TONSL: variants seen among roughly 807,000 people sequenced by gnomAD.
TONSL encodes the protein tonsoku like, DNA repair protein, also known as tonsoku-like protein.
TONSL carries 112 observed loss-of-function variants against 147.1 expected under a neutral mutation model. The observed-to-expected ratio is 0.76, with a 90% CI of 0.65 to 0.89. The LOEUF (loss-of-function observed/expected upper bound fraction) is 0.89, where lower values mean the gene tolerates loss of function less well. TONSL is among the 40% of genes least tolerant of loss of function. TONSL has a pLI of 0.00. For missense variants in TONSL, 1,883 were observed against 1,864.6 expected, an observed-to-expected ratio of 1.01 and a Z score of -0.18; for synonymous variants, 868 against 801.5, an observed-to-expected ratio of 1.08 and a Z score of -1.40.
intron 11 of TONSL, 29 bp from the exon 12 acceptor site, chr8:144,438,764 G>A: frequency 1.2e-6 from 2 of 1,606,522 alleles, no homozygotes; most frequent in South Asian, 2.2e-5. Context: ...CACCCCAGGG[G>A]AGTCCGTGGG....
At position 144,438,825 on chromosome 8, in the gene TONSL, G is replaced by A. The variant is rs1823584611; in HGVS notation, c.1481-90C>T. ...TGCTGCAAGCTCCCCAAACTCCCAG[G>A]TACAAAGGAGCCAGAGACGGGAGGG... On this transcript the variant is annotated intron_variant, in intron 11 of 25. Transcript: ENST00000409379. 4 of 1,360,950 alleles carry A rather than the reference G, an allele frequency of 2.9e-6. No homozygotes were observed. In the East Asian group the frequency reaches 9.9e-5, roughly 34 times the overall value. The allele number at this position is 1,360,950 out of a possible 1,614,324, so 84.3% of individuals were successfully genotyped here.
chr8:144,437,114 A>G lies in TONSL; in HGVS notation c.1654-15T>C, dbSNP rs1415407680. 2.5e-6 allele frequency: 4 copies of G among 1,611,322 alleles called. No homozygotes were observed. The Admixed American group carries it at 5.0e-5, about 20-fold the overall frequency. ...AGGGGGTGGCCCTGTGACCAAGGAC[A>G]GGAAGGAGCCTGGCCCTGTGTACCT... On this transcript the variant is annotated splice_polypyrimidine_tract_variant and intron_variant, in intron 13 of 25. Coordinates refer to ENST00000409379, the MANE Select transcript of TONSL (RefSeq NM_013432.5).
chr8:144,430,379 G>C, intron 25 of TONSL, 25 bp downstream of exon 25: 1 of 1,566,984 alleles, frequency 6.4e-7, no homozygotes, highest in Non-Finnish European at 8.6e-7. Flanking sequence ...AACATGGCAG[G>C]CGTGGCCACC....
At chr8:144,443,019 A>G (rs1823778418) in intron 4 of TONSL, 119 bp downstream of exon 4, 1 of 1,312,430 alleles carries the variant, frequency 7.6e-7, no homozygotes, top group Non-Finnish European at 1.0e-6. Context: ...CTCACACAAG[A>G]GCCTTGCAAA....
In TONSL at chr8:144,442,169, G is replaced by A. The variant is rs1823744755; in HGVS notation, c.751-18C>T. 1 of 1,605,414 alleles carries A rather than the reference G, an allele frequency of 6.2e-7. No individual in the cohort carries two copies. Among genetic ancestry groups the A allele is most frequent in the Non-Finnish European group, 8.5e-7 (1 of 1,175,280 alleles). ...TGGAGGACCTGGAGAGCAAAGGACA[G>A]CAAAGGTTTTGCAGAATCCCCAAGG... is the stretch of plus-strand genomic sequence containing the variant. On this transcript the variant is annotated intron_variant, in intron 6 of 25. Transcript: ENST00000409379.
chr8:144,443,200 G>A lies in TONSL; in HGVS notation c.386C>T (p.Ala129Val). The change falls in exon 4 of 26, where the codon GCT (alanine) becomes GTT (valine). Residue 129 changes from alanine (A) to valine (V), a missense_variant. Coordinates refer to ENST00000409379, the MANE Select transcript of TONSL (RefSeq NM_013432.5). ...AAAGGCAGCCTGTGCCTGCAGCAAAGCATCCCTCGACTGGCAGTGGTCATA... is the reference window on the plus strand; with the variant it reads ...AAAGGCAGCCTGTGCCTGCAGCAAAACATCCCTCGACTGGCAGTGGTCATA... ...DIYDHCQSRD[A>V]LLQAQAAFEK... 1 of 1,550,820 alleles carries A rather than the reference G, an allele frequency of 6.4e-7. No homozygotes were observed. The highest frequency in any genetic ancestry group is 2.4e-5 in the East Asian group (1 of 40,926).
intron 3 of TONSL, 38 bp from the exon 4 acceptor site, chr8:144,443,359 C>A: frequency 2.6e-6 from 4 of 1,526,184 alleles, no homozygotes; most frequent in East Asian, 4.9e-5. Flanking sequence ...GAGCCGACTC[C>A]GCCTCAAGCA....
intron 9 of TONSL, 114 bp from the exon 10 acceptor site, chr8:144,440,590 A>G: frequency 6.6e-7 from 1 of 1,522,046 alleles, no homozygotes; most frequent in Non-Finnish European, 8.8e-7. Context: ...CCAGCTGCCG[A>G]GGGTGGATGG....
In TONSL at chr8:144,440,699, C is replaced by T. The variant is rs567671516; in HGVS notation, c.1164+19G>A. 1.1e-4 allele frequency: 182 copies of T among 1,605,610 alleles called. No homozygotes were observed. The highest frequency in any genetic ancestry group is 1.7e-4 in the Admixed American group (10 of 59,730). ...AGACATGGGTGAACCTGCATTCGGG[C>T]GGGGAGCAAGGGTTTCACCTCCAGC... On this transcript the variant is annotated intron_variant, in intron 9 of 25. Transcript: ENST00000409379.
chr8:144,444,116 C>CCCCCGATCCCGGCCCGGG, intron 2 of TONSL, 64 bp downstream of exon 2: 1 of 1,304,216 alleles, frequency 7.7e-7, no homozygotes. Context: ...CGCCCCCCGG[C>CCCCCGATCCCGGCCCGGG]CCCCGATCCC....
At chr8:144,437,142 C>G in intron 13 of TONSL, 43 bp from the exon 14 acceptor site, 1 of 1,589,694 alleles carries the variant, frequency 6.3e-7, no homozygotes, top group Non-Finnish European at 8.6e-7. Context: ...GTGTACCTCA[C>G]AGCCTGGCCC....
Position 144,443,095 on chromosome 8 carries a change from G to GC in TONSL, c.448+42dup, listed in dbSNP as rs1460002466. ...GGGGTGCTGGGCTGCAGCCTCTTCG[G>GC]CCCGAAGTTCAGGAGGCAGAAAACG... On this transcript the variant is annotated intron_variant, in intron 4 of 25. Transcript: ENST00000409379. The GC allele has an allele frequency of 1.4e-5, 21 of 1,534,490 alleles. No homozygotes were observed. The Admixed American group carries it at 4.2e-4, about 30-fold the overall frequency.
At position 144,429,202 on chromosome 8, in the gene TONSL, G is replaced by A; in HGVS notation, c.4078C>T (p.Pro1360Ser). The A allele has an allele frequency of 6.5e-7, 1 of 1,534,664 alleles. No homozygotes were observed. Among genetic ancestry groups the A allele is most frequent in the Non-Finnish European group, 8.7e-7 (1 of 1,144,808 alleles). The change falls in exon 26 of 26, where the codon CCG becomes TCG. Residue 1360 changes from proline to serine, a missense_variant. Transcript: ENST00000409379. ...DALRQLQPSR[P>S]GPGECTLDHG... is the part of the protein sequence containing the mutation. ...TCCAGCGTGCACTCGCCGGGGCCCGGCCGACTGGGCTGCAGCTGGCGCAGG... is the reference window on the plus strand; with the variant it reads ...TCCAGCGTGCACTCGCCGGGGCCCGACCGACTGGGCTGCAGCTGGCGCAGG...
In TONSL at chr8:144,441,015, A is replaced by G; in HGVS notation, c.962T>C (p.Phe321Ser). Reference protein sequence around the residue: ...MVICEQLGDLFSKAGDFPRAA... With the variant: ...MVICEQLGDLSSKAGDFPRAA... ...CCTGGGAAAGTCTCCTGCCTTGGAG[A>G]AGAGGTCCCCTAGCTGCTCACAGAT... The change falls in exon 8 of 26, where the codon TTC becomes TCC. Residue 321 changes from phenylalanine to serine, a missense_variant. By Grantham distance (155) the Phe-to-Ser change is radical (BLOSUM62 -2). Transcript: ENST00000409379. 2 of 1,613,094 alleles carry G rather than the reference A, an allele frequency of 1.2e-6. No homozygotes were observed. Among genetic ancestry groups the G allele is most frequent in the Non-Finnish European group, 1.7e-6 (2 of 1,179,980 alleles).
At chr8:144,439,785 C>G in intron 11 of TONSL, 1 of 540,414 alleles carries the variant, frequency 1.9e-6, no homozygotes. Flanking sequence ...GGGACCATGC[C>G]CCAGCTGACA....
rs752392342 is a variant in TONSL at position 144,441,098 on chromosome 8, G to A, written c.879C>T (p.Val293=). ...CQNLQHVLAV[V]RLQQQLEEAE... is the part of the protein sequence containing the mutation. ...CCTCTTCCAGCTGTTGCTGCAGCCG[G>A]ACCACTGCCAGCACTGCCGGGAAGA... Residue 293 remains valine, a synonymous_variant, in exon 8 of 26, where the codon GTC becomes GTT. Coordinates refer to ENST00000409379, the MANE Select transcript of TONSL (RefSeq NM_013432.5). 2 of 1,612,756 alleles carry A rather than the reference G, an allele frequency of 1.2e-6. No homozygotes were observed. The highest frequency in any genetic ancestry group is 1.7e-5 in the Admixed American group (1 of 60,026).
rs778043536 is a variant in TONSL, at chr8:144,436,631, C to T, written c.1941G>A (p.Arg647=). 2 of 1,612,126 alleles carry T rather than the reference C, an allele frequency of 1.2e-6. No homozygotes were observed. Among genetic ancestry groups the T allele is most frequent in the East Asian group, 2.2e-5 (1 of 44,892 alleles). Residue 647 remains arginine, a synonymous_variant, in exon 16 of 26, where the codon AGG becomes AGA. Transcript: ENST00000409379. The stretch of plus-strand genomic sequence containing the variant: ...TCTGCCGCGTCTCCAGGTCCAGGTC[C>T]CTGCGGTACAGCTTCACCCACTGCT... ...TLQQWVKLYR[R]DLDLETRQKA... is the part of the protein sequence containing the mutation.
intron 22 of TONSL, chr8:144,433,272 T>G (rs1251334573): frequency 4.4e-6 from 1 of 226,492 alleles, no homozygotes; most frequent in Non-Finnish European, 8.8e-6. Flanking sequence ...GAGACGGCGT[T>G]TCACCGTGTT....
intron 25 of TONSL, among the ~76,000 whole-genome samples, chr8:144,429,615 A>G (rs1823092098): frequency 6.6e-6 from 1 of 152,074 alleles, no homozygotes; most frequent in African/African-American, 2.4e-5. Flanking sequence ...CCCACCCATA[A>G]GAAGGACATA....
Sources: gnomAD v4.1 joint callset for allele counts (sites outside exome capture counted in the v4.1 genomes callset) on GRCh38, gnomAD v4.1.1 for gene constraint, MANE v1.5 for transcripts, NCBI Gene and HGNC (gene_info 2026-07-23, HGNC 2026-07-21) for gene names.